ATG13: variants seen among roughly 807,000 people sequenced by gnomAD.
ATG13 encodes autophagy related 13, also known as autophagy-related protein 13.
ATG13 carries 23 observed loss-of-function variants against 65.5 expected under a neutral mutation model. That is an observed-to-expected ratio of 0.35 (90% CI 0.25 to 0.50). The LOEUF is 0.50. Among genes scored for constraint, ATG13 ranks in the 20% least tolerant of loss-of-function variants. ATG13 has a pLI of 0.98. For missense variants in ATG13, 566 were observed against 677.0 expected, an observed-to-expected ratio of 0.84 and a Z score of 1.82; for synonymous variants, 252 against 245.2, an observed-to-expected ratio of 1.03 and a Z score of -0.26.
At chr11:46,668,223 A>G (rs79247547) in intron 15 of ATG13, among the ~76,000 whole-genome samples, 4,900 of 152,284 alleles carry the variant, frequency 0.032, 256 homozygotes, top group African/African-American at 0.11. Context: ...GGGCCAGTGA[A>G]GCACATTATT....
intron 2 of ATG13, among the ~76,000 whole-genome samples, chr11:46,634,384 T>G (rs1041704367): frequency 3.3e-5 from 5 of 151,670 alleles, no homozygotes; most frequent in Non-Finnish European, 7.4e-5. Flanking sequence ...ATTCTTTTTT[T>G]CTTTTTAATT....
At chr11:46,655,861 C>T (rs996174125) in intron 7 of ATG13, among the ~76,000 whole-genome samples, 1 of 152,144 alleles carries the variant, frequency 6.6e-6, no homozygotes, top group Admixed American at 6.5e-5. Context: ...CCTCAGCCTC[C>T]CAGTTATCTG....
intron 1 of ATG13, among the ~76,000 whole-genome samples, chr11:46,623,132 CAAAA>C (rs59376067): frequency 9.8e-5 from 14 of 142,896 alleles, no homozygotes; most frequent in Admixed American, 8.4e-4. Context: ...ACTAAAAATA[CAAAA>C]AAAAAAAATT....
chr11:46,639,036 G>A (rs2136135620), intron 2 of ATG13, among the ~76,000 whole-genome samples: 1 of 152,064 alleles, frequency 6.6e-6, no homozygotes, highest in South Asian at 2.1e-4. Context: ...TGCCCTGGCT[G>A]GAGTGTAGTG....
At chr11:46,645,830 C>A in intron 4 of ATG13, 40 bp from the exon 5 acceptor site, 2 of 1,612,812 alleles carry the variant, frequency 1.2e-6, no homozygotes, top group South Asian at 2.2e-5. Context: ...CCATAATGTT[C>A]CTGTGAGTGT....
chr11:46,672,196 T>G, intron 18 of ATG13, 59 bp from the exon 19 acceptor site: 3 of 1,612,482 alleles, frequency 1.9e-6, no homozygotes, highest in Non-Finnish European at 2.5e-6. Context: ...GGGACTGGGC[T>G]GGCTGCCTCC....
In ATG13 at chr11:46,644,142, T is replaced by C. The variant is rs1392094506; in HGVS notation, c.-13-137T>C. ...TCAGTATTTTTCACTTTGGTATCTT[T>C]AGTTAAAGGAAATTTTTTTCCTCCC... On this transcript the variant is annotated intron_variant, in intron 2 of 18. Coordinates refer to ENST00000683050, the MANE Select transcript of ATG13 (RefSeq NM_001346311.2). The C allele has an allele frequency of 7.4e-5, 41 of 552,962 alleles. No homozygotes were observed. The South Asian group carries it at 8.2e-4, about 11-fold the overall frequency. The allele number at this position is 552,962 out of a possible 1,614,324, so 34.3% of individuals were successfully genotyped here.
At chr11:46,625,806 G>A (rs2049365060) in intron 1 of ATG13, among the ~76,000 whole-genome samples, 1 of 152,164 alleles carries the variant, frequency 6.6e-6, no homozygotes. Flanking sequence ...GTTCCTTTAG[G>A]TGGGTCTGGA....
At chr11:46,668,665 A>G in intron 16 of ATG13, 89 bp downstream of exon 16, 1 of 1,522,310 alleles carries the variant, frequency 6.6e-7, no homozygotes, top group Admixed American at 1.7e-5. Context: ...CCCACAGACT[A>G]TAAACCATGG....
chr11:46,633,373 A>T (rs2052675753), intron 2 of ATG13, among the ~76,000 whole-genome samples: 1 of 149,764 alleles, frequency 6.7e-6, no homozygotes, highest in Non-Finnish European at 1.5e-5. Flanking sequence ...TTGGAGACGG[A>T]GTTTTGCTCT....
At position 46,617,823 on chromosome 11, in the gene ATG13, T is replaced by C. The variant is rs2045770358; in HGVS notation, c.-137T>C. The C allele has an allele frequency of 2.5e-6, 1 of 399,140 alleles. No homozygotes were observed. The highest frequency in any genetic ancestry group is 2.1e-5 in the African/African-American group (1 of 48,632). 24.7% of individuals were successfully genotyped at this position (399,140 alleles called of 1,614,324 possible). A position where few individuals can be genotyped will look rare whatever the true frequency, so the allele number is the denominator to read the frequency against. On this transcript the variant is annotated 5_prime_UTR_variant, in exon 1 of 19. Coordinates refer to ENST00000683050, the MANE Select transcript of ATG13 (RefSeq NM_001346311.2). ...GGAACCCTCAGCCAGGAGGCGCGGC[T>C]GGTCGGTCCCAGGTCCCGGCCTCCG...
chr11:46,624,521 G>A (rs2048823494), intron 1 of ATG13, among the ~76,000 whole-genome samples: 2 of 150,904 alleles, frequency 1.3e-5, no homozygotes, highest in African/African-American at 2.4e-5. Context: ...TAACACTGAC[G>A]TTTTTGAAGA....
At chr11:46,621,784 G>A (rs2047585906) in intron 1 of ATG13, among the ~76,000 whole-genome samples, 1 of 151,840 alleles carries the variant, frequency 6.6e-6, no homozygotes, top group South Asian at 2.1e-4. Flanking sequence ...ATAAGGTTAA[G>A]GTCATATCTC....
intron 2 of ATG13, among the ~76,000 whole-genome samples, chr11:46,635,880 T>G (rs6485686): frequency 0.43 from 64,949 of 152,082 alleles, 18,554 homozygotes; most frequent in African/African-American, 0.81. Context: ...CTGATGGTGA[T>G]AATCCAATTC....
chr11:46,656,594 A>G (rs1431479976), intron 8 of ATG13, among the ~76,000 whole-genome samples: 1 of 152,246 alleles, frequency 6.6e-6, no homozygotes, highest in East Asian at 1.9e-4. Context: ...AATGAAACCA[A>G]GAAAATCAGG....
chr11:46,668,947 CG>C (rs748780183), intron 17 of ATG13, 37 bp downstream of exon 17: 8 of 1,509,036 alleles, frequency 5.3e-6, no homozygotes, highest in Non-Finnish European at 7.3e-6. Context: ...TTTGCTGTCC[CG>C]GGGAACTAGA....
At chr11:46,671,908 G>C (rs1218793338) in intron 18 of ATG13, among the ~76,000 whole-genome samples, 2 of 152,218 alleles carry the variant, frequency 1.3e-5, no homozygotes, top group Non-Finnish European at 1.5e-5. Context: ...AATTTGTAGA[G>C]CTGTACACTT....
intron 1 of ATG13, among the ~76,000 whole-genome samples, chr11:46,620,074 G>A (rs1012000807): frequency 3.3e-5 from 5 of 151,518 alleles, no homozygotes; most frequent in African/African-American, 1.2e-4. Context: ...AGGTTACATA[G>A]GCAATTTGTC....
chr11:46,622,407 G>A (rs1301123972), intron 1 of ATG13, among the ~76,000 whole-genome samples: 4 of 151,784 alleles, frequency 2.6e-5, no homozygotes, highest in Non-Finnish European at 4.4e-5. Flanking sequence ...GTGAGCCACC[G>A]CACCTGGCCA....
Sources: allele counts gnomAD v4.1 joint callset (sites outside exome capture counted in the v4.1 genomes callset), GRCh38; gene constraint gnomAD v4.1.1; transcripts MANE v1.5; gene names NCBI Gene and HGNC (gene_info 2026-07-23, HGNC 2026-07-21).